Variants in GALNT13 observed in about 807,000 individuals in gnomAD.
GALNT13 encodes polypeptide N-acetylgalactosaminyltransferase 13, also known as UDP-GalNAc:polypeptide N-acetylgalactosaminyltransferase 13.
A neutral mutation model predicts 64.2 loss-of-function variants in GALNT13; 28 were observed. The observed-to-expected ratio is 0.44, with a 90% CI of 0.32 to 0.60. The LOEUF (loss-of-function observed/expected upper bound fraction) is 0.60. GALNT13 is among the 20% of genes least tolerant of loss of function. GALNT13 has a pLI of 0.05. For missense variants in GALNT13, 577 were observed against 669.8 expected (o/e 0.86, Z 1.53); for synonymous variants, 214 against 224.6 (o/e 0.95, Z 0.42).
the GALNT13 span, among the ~76,000 whole-genome samples, chr2:153,641,511 G>A: frequency 2.6e-5 from 4 of 152,092 alleles, no homozygotes; most frequent in African/African-American, 9.7e-5. Flanking sequence ...CATCCCATTT[G>A]GAATTGCCCA....
chr2:153,279,870 A>G, the GALNT13 span, among the ~76,000 whole-genome samples: 5 of 151,740 alleles, frequency 3.3e-5, no homozygotes, highest in Admixed American at 2.0e-4. Context: ...TCAGGGTAAT[A>G]CTCGCGTCAT....
the GALNT13 span, among the ~76,000 whole-genome samples, chr2:153,072,570 C>G: frequency 1.3e-5 from 2 of 152,178 alleles, no homozygotes; most frequent in Non-Finnish European, 2.9e-5. Context: ...GTTCTCATCT[C>G]TTACATGATA....
chr2:153,088,497 G>A, the GALNT13 span, among the ~76,000 whole-genome samples: 5 of 152,108 alleles, frequency 3.3e-5, no homozygotes, highest in East Asian at 7.7e-4. Context: ...GGTATAGTTC[G>A]AGTCCATTGT....
At chr2:154,344,821 G>C (rs77172613) in intron 9 of GALNT13, among the ~76,000 whole-genome samples, 4 of 151,960 alleles carry the variant, frequency 2.6e-5, no homozygotes, top group Non-Finnish European at 1.5e-5. Context: ...GGTATATTTT[G>C]AATTCTAGAT....
At chr2:154,064,160 C>T (rs552111874) in intron 3 of GALNT13, among the ~76,000 whole-genome samples, 7 of 152,194 alleles carry the variant, frequency 4.6e-5, no homozygotes, top group East Asian at 1.9e-4. Flanking sequence ...AGAACTTAGC[C>T]GACACTGATG....
chr2:153,634,290 T>C, the GALNT13 span, among the ~76,000 whole-genome samples: 1 of 152,220 alleles, frequency 6.6e-6, no homozygotes. Flanking sequence ...CCTACACTTA[T>C]ATTCAGAAGA....
chr2:153,596,124 G>A, the GALNT13 span, among the ~76,000 whole-genome samples: 72 of 152,290 alleles, frequency 4.7e-4, no homozygotes, highest in African/African-American at 1.7e-3. Context: ...CCTAGCTGTG[G>A]CTAACAGCCA....
chr2:153,195,312 T>C, the GALNT13 span, among the ~76,000 whole-genome samples: 1 of 152,290 alleles, frequency 6.6e-6, no homozygotes, highest in South Asian at 2.1e-4. Context: ...TGGCAGGCTG[T>C]GCTCAGCTCA....
intron 11 of GALNT13, among the ~76,000 whole-genome samples, chr2:154,416,005 T>C (rs1699992206): frequency 6.6e-6 from 1 of 152,138 alleles, no homozygotes; most frequent in Non-Finnish European, 1.5e-5. Flanking sequence ...GTTGGATACA[T>C]GCAAGCTAGA....
the GALNT13 span, among the ~76,000 whole-genome samples, chr2:153,419,556 G>C: frequency 6.6e-6 from 1 of 152,220 alleles, no homozygotes; most frequent in East Asian, 1.9e-4. Flanking sequence ...GACAAGGAAA[G>C]GGTGTGAACA....
At chr2:153,630,561 A>G in the GALNT13 span, among the ~76,000 whole-genome samples, 1 of 149,348 alleles carries the variant, frequency 6.7e-6, no homozygotes, top group Non-Finnish European at 1.5e-5. Context: ...TGACGAGTTA[A>G]TAGGTGCAGC....
At chr2:153,804,634 G>A in the GALNT13 span, among the ~76,000 whole-genome samples, 1 of 152,108 alleles carries the variant, frequency 6.6e-6, no homozygotes, top group East Asian at 1.9e-4. Context: ...TTTTTTACCT[G>A]TTTAACTATT....
At chr2:154,220,653 T>G (rs1688276736) in intron 4 of GALNT13, among the ~76,000 whole-genome samples, 2 of 152,096 alleles carry the variant, frequency 1.3e-5, no homozygotes, top group African/African-American at 4.8e-5. Context: ...CAAATTTTTT[T>G]TATCATGGGT....
At chr2:153,260,185 A>T in the GALNT13 span, among the ~76,000 whole-genome samples, 5 of 152,126 alleles carry the variant, frequency 3.3e-5, no homozygotes, top group Admixed American at 6.5e-5. Flanking sequence ...AAGTTACTGT[A>T]GTATTTTAGA....
chr2:153,419,240 A>G, the GALNT13 span, among the ~76,000 whole-genome samples: 1 of 152,130 alleles, frequency 6.6e-6, no homozygotes, highest in African/African-American at 2.4e-5. Context: ...GGCTTATAAA[A>G]CCATTAGATC....
At chr2:153,136,903 T>C in the GALNT13 span, among the ~76,000 whole-genome samples, 1 of 149,652 alleles carries the variant, frequency 6.7e-6, no homozygotes, top group Non-Finnish European at 1.5e-5. Flanking sequence ...CAGTGAGGAA[T>C]GAGCAGTGGG....
chr2:153,345,032 A>G, the GALNT13 span, among the ~76,000 whole-genome samples: 158 of 152,364 alleles, frequency 1.0e-3, 1 homozygote, highest in African/African-American at 3.7e-3. Flanking sequence ...AAAGCATCAA[A>G]CTAGGAGATA....
chr2:153,069,253 C>T, the GALNT13 span, among the ~76,000 whole-genome samples: 1 of 152,158 alleles, frequency 6.6e-6, no homozygotes, highest in Non-Finnish European at 1.5e-5. Context: ...AAGGTTTTGT[C>T]ACTTTTCTGT....
the GALNT13 span, among the ~76,000 whole-genome samples, chr2:153,136,626 C>A: frequency 1.3e-5 from 2 of 152,020 alleles, no homozygotes; most frequent in Non-Finnish European, 2.9e-5. Flanking sequence ...CTGACAGTGG[C>A]AGGAAAATTT....
Sources: gnomAD v4.1 joint callset for allele counts (sites outside exome capture counted in the v4.1 genomes callset) on GRCh38, gnomAD v4.1.1 for gene constraint, MANE v1.5 for transcripts, NCBI Gene and HGNC (gene_info 2026-07-23, HGNC 2026-07-21) for gene names.